PCGF5: variants seen among roughly 807,000 people sequenced by gnomAD.
PCGF5 encodes the protein polycomb group ring finger 5.
A neutral mutation model predicts 44.3 loss-of-function variants in PCGF5; 9 were observed. The observed-to-expected ratio is 0.20, with a 90% CI of 0.12 to 0.35. The LOEUF is 0.35. Ranked by LOEUF, PCGF5 falls within the 10% of genes least tolerant of loss-of-function variation. The pLI is 1.00. For missense variants in PCGF5, 146 were observed against 305.3 expected, an observed-to-expected ratio of 0.48 and a Z score of 3.89; for synonymous variants, 95 against 102.5, an observed-to-expected ratio of 0.93 and a Z score of 0.44.
chr10:91,259,205 GA>G (rs1208917696), intron 6 of PCGF5, among the ~76,000 whole-genome samples: 1 of 152,148 alleles, frequency 6.6e-6, no homozygotes, highest in Admixed American at 6.6e-5. Context: ...ATCAGGCACA[GA>G]GAAGTTTGTT....
chr10:91,273,603 A>G (rs1397602162), intron 9 of PCGF5, among the ~76,000 whole-genome samples: 3 of 152,106 alleles, frequency 2.0e-5, no homozygotes, highest in Non-Finnish European at 4.4e-5. Flanking sequence ...AAATGGTTTT[A>G]TGTTCTGAAT....
At position 91,174,434 on chromosome 10, in the gene PCGF5, G is replaced by C. The variant is rs190601215; in HGVS notation, c.-184+11353G>C. 5.1e-3 allele frequency among the ~76,000 whole-genome samples: 777 copies of C among 152,254 alleles called. 8 individuals are homozygous for C. The highest frequency in any genetic ancestry group is 0.018 in the African/African-American group (739 of 41,570). ...AGGCACGAGAATCACTTGAACCCAG[G>C]AGGTGGAGATTGTAGTGAGCTGAAA... On this transcript the variant is annotated intron_variant, in intron 1 of 9. Transcript: ENST00000614189.
intron 3 of PCGF5, among the ~76,000 whole-genome samples, chr10:91,247,721 A>C (rs981581573): frequency 8.5e-5 from 13 of 152,194 alleles, no homozygotes; most frequent in African/African-American, 3.1e-4. Context: ...AGAAGGTAGA[A>C]CAATAAAGTG....
Position 91,222,966 on chromosome 10 carries a change from C to T in PCGF5, c.95C>T (p.Thr32Met), listed in dbSNP as rs764871600. The T allele has an allele frequency of 1.9e-6, 3 of 1,594,026 alleles. No homozygotes were observed. Among genetic ancestry groups the T allele is most frequent in the Non-Finnish European group, 1.7e-6 (2 of 1,161,768 alleles). The change falls in exon 2 of 10, where the codon ACG becomes ATG. Residue 32 changes from threonine (T) to methionine (M), a missense_variant. Physicochemically the swap from Thr to Met is moderately conservative, Grantham distance 81 (BLOSUM62 -1). Around this residue, in one of 3 missense-constraint regions of PCGF5, gnomAD observed 123 missense variants for 268.6 expected, o/e 0.46. Coordinates refer to ENST00000336126, the MANE Select transcript of PCGF5 (RefSeq NM_032373.5). The part of the protein sequence containing the change: ...KGYLIKPTTV[T>M]ECLHTFCKTC... ...TATCTGATCAAGCCAACAACAGTGA[C>T]GGAATGCCTCCATACATGTAAGTAT...
At chr10:91,195,487 G>C (rs3068500) in intron 1 of PCGF5, among the ~76,000 whole-genome samples, 1 of 77,614 alleles carries the variant, frequency 1.3e-5, no homozygotes, top group Admixed American at 1.7e-4. Flanking sequence ...TATATATATA[G>C]AGAGAGAGAG....
intron 2 of PCGF5, among the ~76,000 whole-genome samples, chr10:91,230,224 G>C (rs1264912893): frequency 1.3e-5 from 2 of 152,170 alleles, no homozygotes; most frequent in Non-Finnish European, 2.9e-5. Context: ...TGGTCAGAAT[G>C]AGTTGGAACT....
At chr10:91,263,907 A>G (rs1845984775) in intron 7 of PCGF5, among the ~76,000 whole-genome samples, 1 of 152,210 alleles carries the variant, frequency 6.6e-6, no homozygotes, top group Non-Finnish European at 1.5e-5. Context: ...GAAAATTCTC[A>G]TATACCTTTA....
chr10:91,190,961 C>T (rs1255410812), intron 1 of PCGF5, among the ~76,000 whole-genome samples: 2 of 152,176 alleles, frequency 1.3e-5, no homozygotes, highest in African/African-American at 2.4e-5. Flanking sequence ...TTTCTGCTGG[C>T]AACGAGTCCA....
intron 7 of PCGF5, among the ~76,000 whole-genome samples, chr10:91,262,667 A>C (rs1351804701): frequency 6.6e-6 from 1 of 152,210 alleles, no homozygotes; most frequent in Non-Finnish European, 1.5e-5. Context: ...CTATGGGTTG[A>C]AAATTGTTAT....
chr10:91,193,948 G>A (rs752800081), intron 1 of PCGF5, among the ~76,000 whole-genome samples: 3 of 152,194 alleles, frequency 2.0e-5, no homozygotes, highest in Non-Finnish European at 4.4e-5. Flanking sequence ...GATTTGGGAT[G>A]TAAGAGAGAG....
At chr10:91,261,245 G>T in intron 6 of PCGF5, 81 bp from the exon 7 acceptor site, 1 of 1,349,278 alleles carries the variant, frequency 7.4e-7, no homozygotes, top group South Asian at 2.0e-5. Context: ...TAGTGAAACT[G>T]GTAGCTATGG....
chr10:91,254,594 A>G (rs1216069845), intron 6 of PCGF5, among the ~76,000 whole-genome samples: 1 of 152,004 alleles, frequency 6.6e-6, no homozygotes, highest in Non-Finnish European at 1.5e-5. Flanking sequence ...CAATGTCTGT[A>G]TTGCTTTATA....
chr10:91,174,606 G>T lies in PCGF5; in HGVS notation c.-184+11525G>T, dbSNP rs553267201. ...TTAATGAATTAATAGATTAAAAATA[G>T]ATTAAAAGTCTTGTGGCATCTAGAA... On this transcript the variant is annotated intron_variant, in intron 1 of 9. Transcript: ENST00000614189. 2.6e-5 allele frequency among the ~76,000 whole-genome samples: 4 copies of T among 152,302 alleles called. No homozygotes were observed. The South Asian group carries it at 8.3e-4, about 32-fold the overall frequency.
chr10:91,156,632 A>G, the PCGF5 span, among the ~76,000 whole-genome samples: 7 of 152,258 alleles, frequency 4.6e-5, no homozygotes, highest in South Asian at 1.5e-3. Context: ...TGTCATTCCC[A>G]TTTTATAATA....
rs146566940 is a variant in PCGF5 at position 91,201,066 on chromosome 10, A to T, written c.-183-21623A>T. Among the ~76,000 whole-genome samples the T allele has an allele frequency of 5.8e-4, 88 of 152,304 alleles. No individual in the cohort carries two copies. In the East Asian group the frequency reaches 0.016, roughly 27 times the overall value. ...GGGAGGTGATGGGGAAAGTTTTATA[A>T]AAGTGAGAAGAGCTGCCCACTTAGA... On this transcript the variant is annotated intron_variant, in intron 1 of 9. Coordinates refer to the PCGF5 transcript ENST00000614189.
At chr10:91,222,234 G>A (rs1271460777) in intron 1 of PCGF5, among the ~76,000 whole-genome samples, 2 of 152,214 alleles carry the variant, frequency 1.3e-5, no homozygotes, top group Admixed American at 1.3e-4. Context: ...TGATATACAA[G>A]TAGAGCAGCC....
At chr10:91,209,762 CGAAGAAAAAAAAAG>C (rs1478828061) in intron 1 of PCGF5, among the ~76,000 whole-genome samples, 9 of 100,206 alleles carry the variant, frequency 9.0e-5, no homozygotes, top group Admixed American at 2.1e-4. Flanking sequence ...GACTCCGTCT[CGAAGAAAAAAAAAG>C]AAAAAAAAAA....
intron 1 of PCGF5, among the ~76,000 whole-genome samples, chr10:91,198,417 A>G (rs2133228660): frequency 6.6e-6 from 1 of 152,274 alleles, no homozygotes; most frequent in Non-Finnish European, 1.5e-5. Flanking sequence ...TGTGGTCTTT[A>G]CCCAGATGCC....
chr10:91,180,846 T>A (rs184219280), intron 1 of PCGF5, among the ~76,000 whole-genome samples: 226 of 152,344 alleles, frequency 1.5e-3, no homozygotes, highest in African/African-American at 5.3e-3. Context: ...CTTTTTTGGT[T>A]CCATGTGAAT....
Sources: allele counts gnomAD v4.1 joint callset (sites outside exome capture counted in the v4.1 genomes callset), GRCh38; gene constraint gnomAD v4.1.1; regional missense constraint gnomAD v4.1.1; transcripts MANE v1.5; gene names NCBI Gene and HGNC (gene_info 2026-07-23, HGNC 2026-07-21).